Variants in MGAT3 observed in about 807,000 individuals in gnomAD.
MGAT3 encodes the protein GlcNAc-T III.
MGAT3 carries 9 observed loss-of-function variants against 29.8 expected under a neutral mutation model. The ratio of observed to expected loss-of-function variants is 0.30; its 90% CI spans 0.18 to 0.53. The LOEUF (loss-of-function observed/expected upper bound fraction) is 0.53. MGAT3 is among the 20% of genes least tolerant of loss of function. The pLI is 0.96. For missense variants in MGAT3, 557 were observed against 769.5 expected (o/e 0.72, Z 3.27); for synonymous variants, 397 against 348.9 (o/e 1.14, Z -1.54).
In MGAT3 at chr22:39,491,864, A is replaced by C. The variant is rs1211461295; in HGVS notation, c.*2915A>C. 6.0e-6 allele frequency: 1 copy of C among 166,860 alleles called. No homozygotes were observed. The highest frequency in any genetic ancestry group is 1.5e-5 in the Non-Finnish European group (1 of 68,054). 10.3% of individuals were successfully genotyped at this position (166,860 alleles called of 1,614,324 possible). On this transcript the variant is annotated 3_prime_UTR_variant, in exon 2 of 2. Coordinates refer to ENST00000341184, the MANE Select transcript of MGAT3 (RefSeq NM_002409.5). The surrounding 1 kb of genome is among the most constrained non-coding windows in gnomAD (Gnocchi z 5.5). Reference sequence around the variant, plus strand: ...AACTGGCCCTGAGACCCCTAGACCCAAGGAGGCCTGTCCATGCCAAGCATC... The same window carrying C: ...AACTGGCCCTGAGACCCCTAGACCCCAGGAGGCCTGTCCATGCCAAGCATC...
chr22:39,458,354 C>T (rs971582236), intron 1 of MGAT3, among the ~76,000 whole-genome samples: 6 of 152,052 alleles, frequency 3.9e-5, no homozygotes, highest in African/African-American at 1.2e-4. Context: ...CGGAAGATGC[C>T]CCTGAAGGCC....
rs145137469 is a variant in MGAT3, at chr22:39,490,608, G to A, written c.*1659G>A. 3.1e-3 allele frequency: 519 copies of A among 167,284 alleles called. 3 individuals are homozygous for A. Among genetic ancestry groups the A allele is most frequent in the Middle Eastern group, 6.8e-3 (2 of 296 alleles). The allele number at this position is 167,284 out of a possible 1,614,324, so 10.4% of individuals were successfully genotyped here. ...GGCTGGGGGCAGTGAGGAGCTTGCAGCTCTGTGGGAAGGGGAAACACCCCC... is the reference window on the plus strand; with the variant it reads ...GGCTGGGGGCAGTGAGGAGCTTGCAACTCTGTGGGAAGGGGAAACACCCCC... On this transcript the variant is annotated 3_prime_UTR_variant, in exon 2 of 2. Coordinates refer to ENST00000341184, the MANE Select transcript of MGAT3 (RefSeq NM_002409.5).
chr22:39,487,649 C>T lies in MGAT3; in HGVS notation c.302C>T (p.Pro101Leu). Residue 101 changes from proline (P) to leucine (L), a missense_variant, in exon 2 of 2, where the codon CCC (proline) becomes CTC (leucine). This residue lies in a region of MGAT3 where 212 missense variants were observed against 228.5 expected (regional missense o/e 0.93). Coordinates refer to ENST00000341184, the MANE Select transcript of MGAT3 (RefSeq NM_002409.5). This position sits in a 1 kb window ranked among gnomAD's most constrained non-coding sequence, Gnocchi z 5.7. ...EELHRVDLVLPEDTTEYFVRT... is the reference protein window; with the variant it reads ...EELHRVDLVLLEDTTEYFVRT... The stretch of plus-strand genomic sequence containing the variant: ...CTCCACCGGGTGGACTTGGTGCTGC[C>T]CGAGGACACCACCGAGTATTTCGTG... The T allele has an allele frequency of 6.2e-7, 1 of 1,610,590 alleles. No homozygotes were observed. Among genetic ancestry groups the T allele is most frequent in the Non-Finnish European group, 8.5e-7 (1 of 1,178,736 alleles).
intron 1 of MGAT3, chr22:39,476,070 C>T (rs1357060155): frequency 6.6e-6 from 1 of 152,192 alleles, no homozygotes; most frequent in Non-Finnish European, 1.5e-5. Flanking sequence ...TGGGAACCAA[C>T]TTTCCCAGGC....
At chr22:39,484,022 G>A (rs752358696) in intron 1 of MGAT3, among the ~76,000 whole-genome samples, 1 of 152,194 alleles carries the variant, frequency 6.6e-6, no homozygotes, top group Non-Finnish European at 1.5e-5. Flanking sequence ...AGGACTCCTC[G>A]CAAGCTGAGG....
chr22:39,475,988 G>A (rs896679887), intron 1 of MGAT3: 9 of 152,294 alleles, frequency 5.9e-5, no homozygotes, highest in Non-Finnish European at 1.2e-4. Flanking sequence ...TGGGGATGAG[G>A]AGCTGATGTC....
intron 1 of MGAT3, among the ~76,000 whole-genome samples, chr22:39,460,122 C>T (rs1394527789): frequency 6.6e-6 from 1 of 152,244 alleles, no homozygotes. Flanking sequence ...TTCAGGGTAT[C>T]CTGCTGTGCT....
chr22:39,458,397 G>C (rs1928402645), intron 1 of MGAT3, among the ~76,000 whole-genome samples: 1 of 152,168 alleles, frequency 6.6e-6, no homozygotes, highest in Admixed American at 6.5e-5. Flanking sequence ...CACTACCCCA[G>C]TGGGATTCCT....
chr22:39,484,249 C>G (rs960461869), intron 1 of MGAT3, among the ~76,000 whole-genome samples: 1 of 152,220 alleles, frequency 6.6e-6, no homozygotes, highest in African/African-American at 2.4e-5. Context: ...TGCGGGCATC[C>G]AGCCTTGAGC....
chr22:39,488,170 G>A lies in MGAT3; in HGVS notation c.823G>A (p.Asp275Asn). ...CCACAAGGTGCTCTATGTCTTCCTG[G>A]ACCACTTCCCGCCCGGCGGCCGGCA... ...IRHKVLYVFL[D>N]HFPPGGRQDG... is the part of the protein sequence containing the mutation. Residue 275 changes from aspartate to asparagine, a missense_variant, in exon 2 of 2, where the codon GAC becomes AAC. Asp to Asn is a conservative substitution (Grantham distance 23). Coordinates refer to ENST00000341184, the MANE Select transcript of MGAT3 (RefSeq NM_002409.5). 6.2e-7 allele frequency: 1 copy of A among 1,612,726 alleles called. No homozygotes were observed. Among genetic ancestry groups the A allele is most frequent in the Non-Finnish European group, 8.5e-7 (1 of 1,179,848 alleles).
rs1418801828 is a variant in MGAT3, at chr22:39,488,499, C to T, written c.1152C>T (p.Arg384=). 11 of 1,613,184 alleles carry T rather than the reference C, an allele frequency of 6.8e-6. No individual in the cohort carries two copies. The Middle Eastern group carries it at 8.2e-4, about 121-fold the overall frequency. The stretch of plus-strand genomic sequence containing the variant: ...TGGACGGCATCCGCCTGCGCCGCCG[C>T]CAGTACTACACCATGCCCAACTTCA... ...YGLDGIRLRR[R]QYYTMPNFRQ... Residue 384 remains arginine, a synonymous_variant, in exon 2 of 2, where the codon CGC becomes CGT. Coordinates refer to ENST00000341184, the MANE Select transcript of MGAT3 (RefSeq NM_002409.5).
rs761822275 is a variant in MGAT3 at position 39,488,129 on chromosome 22, C to T, written c.782C>T (p.Thr261Ile). 2 of 1,612,850 alleles carry T rather than the reference C, an allele frequency of 1.2e-6. No individual in the cohort carries two copies. Reference sequence around the variant, plus strand: ...TTCCGGGAGATGCTGACCAATGGCACCTTCGAGTACATCCGCCACAAGGTG... The same window carrying T: ...TTCCGGGAGATGCTGACCAATGGCATCTTCGAGTACATCCGCCACAAGGTG... ...LKFREMLTNGTFEYIRHKVLY... is the reference protein window; with the variant it reads ...LKFREMLTNGIFEYIRHKVLY... The change falls in exon 2 of 2, where the codon ACC (threonine) becomes ATC (isoleucine). Residue 261 changes from threonine to isoleucine, a missense_variant. Thr to Ile is a moderately conservative substitution (Grantham distance 89). This residue lies in a region of MGAT3 where 243 missense variants were observed against 444.0 expected (regional missense o/e 0.55). Coordinates refer to ENST00000341184, the MANE Select transcript of MGAT3 (RefSeq NM_002409.5).
chr22:39,488,760 G>C lies in MGAT3; in HGVS notation c.1413G>C (p.Glu471Asp), dbSNP rs141333537. The C allele has an allele frequency of 1.4e-4, 226 of 1,612,318 alleles. 4 individuals are homozygous for C. In the Middle Eastern group the frequency reaches 6.6e-3, roughly 47 times the overall value. The change falls in exon 2 of 2, where the codon GAG becomes GAC. Residue 471 changes from glutamate (E) to aspartate (D), a missense_variant. Coordinates refer to ENST00000341184, the MANE Select transcript of MGAT3 (RefSeq NM_002409.5). Reference sequence around the variant, plus strand: ...GCTGGTTCGACGGCACGCAGCAGGAGTACCCGCCTGCAGACCCCAGCGAGC... The same window carrying C: ...GCTGGTTCGACGGCACGCAGCAGGACTACCCGCCTGCAGACCCCAGCGAGC... The part of the protein sequence containing the change: ...TGGWFDGTQQ[E>D]YPPADPSEHM...
chr22:39,473,879 G>A (rs1928880303), intron 1 of MGAT3, among the ~76,000 whole-genome samples: 1 of 152,080 alleles, frequency 6.6e-6, no homozygotes, highest in Non-Finnish European at 1.5e-5. Flanking sequence ...GTGTGGGCAG[G>A]GGGCAGATGG....
At position 39,487,242 on chromosome 22, in the gene MGAT3, C is replaced by A; in HGVS notation, c.-1-105C>A. On this transcript the variant is annotated intron_variant, in intron 1 of 1. Coordinates refer to ENST00000341184, the MANE Select transcript of MGAT3 (RefSeq NM_002409.5). The surrounding 1 kb of genome is among the most constrained non-coding windows in gnomAD (Gnocchi z 5.7). ...CCATGCAGGGGCAGCAGGTGCTGGC[C>A]ACCACATTGTCCAGCAAGGTGGCAG... 8.1e-7 allele frequency: 1 copy of A among 1,232,418 alleles called. No homozygotes were observed. Among genetic ancestry groups the A allele is most frequent in the Non-Finnish European group, 1.1e-6 (1 of 884,858 alleles). 76.3% of individuals were successfully genotyped at this position (1,232,418 alleles called of 1,614,324 possible).
chr22:39,473,580 T>A (rs2145717648), intron 1 of MGAT3, among the ~76,000 whole-genome samples: 2 of 152,228 alleles, frequency 1.3e-5, no homozygotes, highest in South Asian at 4.1e-4. Flanking sequence ...GGGACACATT[T>A]TTCAGACTAT....
intron 1 of MGAT3, among the ~76,000 whole-genome samples, chr22:39,485,100 T>C (rs1040660931): frequency 1.3e-5 from 2 of 152,220 alleles, no homozygotes; most frequent in Admixed American, 1.3e-4. Context: ...GGTGGGACAG[T>C]GCCAGATGCC....
At chr22:39,483,103 A>G (rs919584873) in intron 1 of MGAT3, among the ~76,000 whole-genome samples, 2 of 152,200 alleles carry the variant, frequency 1.3e-5, no homozygotes, top group Non-Finnish European at 2.9e-5. Context: ...GGGGATTTAG[A>G]GTCTGAATGG....
In MGAT3 at chr22:39,488,431, G is replaced by A. The variant is rs151160334; in HGVS notation, c.1084G>A (p.Val362Met). The stretch of plus-strand genomic sequence containing the variant: ...GAAGCAGCCGGGCACCCTGGAGGTG[G>A]TGTCAGGCTGCACGGTGGACATGCT... ...FWKQPGTLEVVSGCTVDMLQA... is the reference protein window; with the variant it reads ...FWKQPGTLEVMSGCTVDMLQA... The change falls in exon 2 of 2, where the codon GTG becomes ATG. Residue 362 changes from valine to methionine, a missense_variant. Transcript: ENST00000341184. 5.8e-5 allele frequency: 93 copies of A among 1,612,720 alleles called. No homozygotes were observed. Among genetic ancestry groups the A allele is most frequent in the Non-Finnish European group, 7.4e-5 (87 of 1,180,034 alleles).
Sources: gnomAD v4.1 joint callset for allele counts (sites outside exome capture counted in the v4.1 genomes callset) on GRCh38, gnomAD v4.1.1 for gene constraint, gnomAD v4.1.1 regional missense constraint, Gnocchi (gnomAD v3.1) non-coding constraint, MANE v1.5 for transcripts, NCBI Gene and HGNC (gene_info 2026-07-23, HGNC 2026-07-21) for gene names.